TNRC18: variants seen among roughly 807,000 people sequenced by gnomAD.
The protein encoded by TNRC18 is trinucleotide repeat-containing gene 18 protein.
A neutral mutation model predicts 226.7 loss-of-function variants in TNRC18; 69 were observed. That is an observed-to-expected ratio of 0.30 (90% CI 0.25 to 0.37). The LOEUF (loss-of-function observed/expected upper bound fraction) is 0.37. Ranked by LOEUF, TNRC18 falls within the 10% of genes least tolerant of loss-of-function variation. The pLI, the probability that TNRC18 is intolerant of heterozygous loss-of-function variation, is 1.00. For synonymous variants in TNRC18, 2,449 were observed against 1,927.6 expected (o/e 1.27, Z -7.09); for missense variants, 4,754 against 4,256.6 (o/e 1.12, Z -3.25).
At chr7:5,374,603 G>GA in intron 9 of TNRC18, 119 bp from the exon 10 acceptor site, 2 of 1,063,812 alleles carry the variant, frequency 1.9e-6, no homozygotes, top group Non-Finnish European at 2.6e-6. Flanking sequence ...GCAGGGCCTG[G>GA]GGTCCAGGCT....
At chr7:5,403,125 G>C (rs967779051) in intron 2 of TNRC18, among the ~76,000 whole-genome samples, 6 of 151,062 alleles carry the variant, frequency 4.0e-5, no homozygotes, top group African/African-American at 1.5e-4. Flanking sequence ...TTCAATCCCA[G>C]ACAGCCCTTC....
At chr7:5,363,647 C>T (rs114245383) in intron 11 of TNRC18, among the ~76,000 whole-genome samples, 264 of 152,192 alleles carry the variant, frequency 1.7e-3, no homozygotes, top group African/African-American at 6.1e-3. Context: ...GGCAGCACGC[C>T]TGGCACAGGG....
chr7:5,322,663 C>T (rs10280369), intron 21 of TNRC18, among the ~76,000 whole-genome samples: 52 of 152,334 alleles, frequency 3.4e-4, no homozygotes, highest in African/African-American at 1.2e-3. Flanking sequence ...TTGCCGACGG[C>T]GGTCACCTCT....
At chr7:5,325,559 G>A (rs1316189472) in intron 19 of TNRC18, 1 of 312,034 alleles carries the variant, frequency 3.2e-6, no homozygotes, top group Non-Finnish European at 6.0e-6. Context: ...GAGTAGCTGG[G>A]ACTACAGGCA....
chr7:5,340,956 G>A (rs1295420943), intron 18 of TNRC18, among the ~76,000 whole-genome samples: 1 of 152,150 alleles, frequency 6.6e-6, no homozygotes, highest in African/African-American at 2.4e-5. Flanking sequence ...AGCTAGAGAG[G>A]AGAAGTCAGT....
In TNRC18 at chr7:5,308,073, C is replaced by G. The variant is rs369901831; in HGVS notation, c.*33G>C. ...ATGGAGATGGGTCCCTGGCCGCCCT[C>G]GGGGCACAGGTGGCCCGCAGGGCCC... On this transcript the variant is annotated 3_prime_UTR_variant, in exon 30 of 30. Transcript: ENST00000430969. 22 of 1,533,238 alleles carry G rather than the reference C, an allele frequency of 1.4e-5. No homozygotes were observed. The highest frequency in any genetic ancestry group is 4.1e-5 in the African/African-American group (3 of 72,508). The allele number at this position is 1,533,238 out of a possible 1,614,324, so 95.0% of individuals were successfully genotyped here.
At chr7:5,389,381 C>A in intron 4 of TNRC18, 45 bp from the exon 5 acceptor site, 2 of 1,233,116 alleles carry the variant, frequency 1.6e-6, no homozygotes, top group Non-Finnish European at 2.0e-6. Context: ...GCCACCTCCC[C>A]TCCCACCCCT....
At chr7:5,420,407 A>T (rs1403299393) in intron 2 of TNRC18, 1 of 455,964 alleles carries the variant, frequency 2.2e-6, no homozygotes, top group African/African-American at 2.0e-5. Context: ...CTGGAAAACA[A>T]GGGGTCCCCG....
chr7:5,341,570 C>G (rs1056735242), intron 18 of TNRC18, among the ~76,000 whole-genome samples: 1 of 151,932 alleles, frequency 6.6e-6, no homozygotes, highest in African/African-American at 2.4e-5. Flanking sequence ...TCAAGACCAG[C>G]TGGGCCAACA....
intron 2 of TNRC18, among the ~76,000 whole-genome samples, chr7:5,414,982 A>ATGCCAT (rs1220950117): frequency 6.6e-6 from 1 of 152,160 alleles, no homozygotes; most frequent in African/African-American, 2.4e-5. Context: ...TCTGCCTTGC[A>ATGCCAT]TGCCATTGAC....
intron 2 of TNRC18, among the ~76,000 whole-genome samples, chr7:5,406,939 A>AC (rs748898958): frequency 4.5e-4 from 68 of 151,996 alleles, no homozygotes; most frequent in Admixed American, 1.0e-3. Flanking sequence ...TCCTATCAAC[A>AC]CCCCCACCTC....
intron 18 of TNRC18, 36 bp downstream of exon 18, chr7:5,345,526 A>ACACCCCCCCCCCCC: frequency 5.6e-6 from 1 of 177,498 alleles, no homozygotes; most frequent in Non-Finnish European, 1.1e-5. Context: ...CGCCCCTCCC[A>ACACCCCCCCCCCCC]CCCACCCCCA....
intron 2 of TNRC18, 96 bp downstream of exon 2, chr7:5,420,964 A>T: frequency 6.8e-7 from 1 of 1,462,666 alleles, no homozygotes; most frequent in South Asian, 1.2e-5. Flanking sequence ...ACCGAAGGAG[A>T]GTCGCCGAGC....
At position 5,309,192 on chromosome 7, in the gene TNRC18, G is replaced by A. The variant is rs573230705; in HGVS notation, c.8565C>T (p.Arg2855=). ...WESWGNNMVV[R]VKWFYHPEET... ...CCTCGGGGTGGTAGAACCACTTGAC[G>A]CGGACCACCATGTTGTTGCCCCACG... Residue 2855 remains arginine (R), a synonymous_variant, in exon 28 of 30, where the codon CGC becomes CGT. Transcript: ENST00000430969. This position sits in a 1 kb window ranked among gnomAD's most constrained non-coding sequence, Gnocchi z 5.7. 64 of 1,613,180 alleles carry A rather than the reference G, an allele frequency of 4.0e-5. No individual in the cohort carries two copies. The highest frequency in any genetic ancestry group is 3.3e-4 in the Admixed American group (20 of 59,990).
At chr7:5,344,190 G>C (rs1227673195) in intron 18 of TNRC18, among the ~76,000 whole-genome samples, 1 of 152,226 alleles carries the variant, frequency 6.6e-6, no homozygotes, top group Non-Finnish European at 1.5e-5. Context: ...TACTAGCCTG[G>C]CTGGTGCATT....
At chr7:5,331,388 CAT>C (rs1199548771) in intron 19 of TNRC18, among the ~76,000 whole-genome samples, 2 of 151,992 alleles carry the variant, frequency 1.3e-5, no homozygotes, top group East Asian at 3.8e-4. Context: ...CTGGGGTGTT[CAT>C]AGAGAGAATT....
intron 22 of TNRC18, 178 bp from the exon 23 acceptor site, chr7:5,320,785 T>C (rs1352599966): frequency 1.6e-6 from 1 of 641,626 alleles, no homozygotes; most frequent in East Asian, 2.7e-5. Context: ...TCCTCATCTG[T>C]AGGACTAGGG....
Position 5,377,229 on chromosome 7 carries a change from T to A in TNRC18, c.2461+142A>T. 9.0e-7 allele frequency: 1 copy of A among 1,107,900 alleles called. No homozygotes were observed. The highest frequency in any genetic ancestry group is 1.3e-6 in the Non-Finnish European group (1 of 792,180). The allele number at this position is 1,107,900 out of a possible 1,614,324, so 68.6% of individuals were successfully genotyped here. A position where few individuals can be genotyped will look rare whatever the true frequency, so the allele number is the denominator to read the frequency against. ...CCCACGAGGCAGAGGCCATTATCAT[T>A]CCTTCTTCCGACGAATGCGGGAGGC... On this transcript the variant is annotated intron_variant, in intron 7 of 29. Coordinates refer to ENST00000430969, the MANE Select transcript of TNRC18 (RefSeq NM_001080495.3). The surrounding 1 kb of genome is among the most constrained non-coding windows in gnomAD (Gnocchi z 5.8).
In TNRC18 at chr7:5,377,339, A is replaced by G; in HGVS notation, c.2461+32T>C. The G allele has an allele frequency of 3.8e-6, 3 of 781,098 alleles. No homozygotes were observed. Among genetic ancestry groups the G allele is most frequent in the Non-Finnish European group, 5.8e-6 (3 of 518,510 alleles). 48.4% of individuals were successfully genotyped at this position (781,098 alleles called of 1,614,324 possible). On this transcript the variant is annotated intron_variant, in intron 7 of 29. Coordinates refer to ENST00000430969, the MANE Select transcript of TNRC18 (RefSeq NM_001080495.3). This position sits in a 1 kb window ranked among gnomAD's most constrained non-coding sequence, Gnocchi z 5.8. The stretch of plus-strand genomic sequence containing the variant: ...CCGCCCCCTCCCACCCCTCCCTCAG[A>G]GAAGGGGAGAGACCCTGTGCCCCAC...
Sources: gnomAD v4.1 joint callset for allele counts (sites outside exome capture counted in the v4.1 genomes callset) on GRCh38, gnomAD v4.1.1 for gene constraint, Gnocchi (gnomAD v3.1) non-coding constraint, MANE v1.5 for transcripts, NCBI Gene and HGNC (gene_info 2026-07-23, HGNC 2026-07-21) for gene names.